STARD5: variants seen among roughly 807,000 people sequenced by gnomAD.
STARD5 encodes stAR-related lipid transfer protein 5.
Under a neutral mutation model 24.6 loss-of-function variants are expected in STARD5, and 26 were observed. The ratio of observed to expected loss-of-function variants is 1.06; its 90% CI spans 0.77 to 1.47. The LOEUF (loss-of-function observed/expected upper bound fraction) is 1.47. Among genes scored for constraint, STARD5 ranks in the 40% most tolerant of loss-of-function variants. STARD5 has a pLI of 0.00. For synonymous variants in STARD5, 101 were observed against 99.7 expected (o/e 1.01, Z -0.07); for missense variants, 254 against 270.8 (o/e 0.94, Z 0.44).
intron 5 of STARD5, among the ~76,000 whole-genome samples, chr15:81,317,930 G>T (rs748164767): frequency 6.6e-6 from 1 of 152,124 alleles, no homozygotes; most frequent in African/African-American, 2.4e-5. Context: ...CCTGAGTTCC[G>T]CCACATTCCT....
chr15:81,322,964 G>C lies in STARD5; in HGVS notation c.100-16C>G. ...AAACTCCATTCTGTCAAAAGGCACAGAACCACAGAATTTTAGAGCTAGAAG... is the reference window on the plus strand; with the variant it reads ...AAACTCCATTCTGTCAAAAGGCACACAACCACAGAATTTTAGAGCTAGAAG... On this transcript the variant is annotated splice_polypyrimidine_tract_variant and intron_variant, in intron 1 of 5. Transcript: ENST00000302824. 6.2e-7 allele frequency: 1 copy of C among 1,614,000 alleles called. No individual in the cohort carries two copies. Among genetic ancestry groups the C allele is most frequent in the Non-Finnish European group, 8.5e-7 (1 of 1,180,024 alleles).
At chr15:81,319,223 G>A in intron 4 of STARD5, 116 bp downstream of exon 4, 1 of 930,604 alleles carries the variant, frequency 1.1e-6, no homozygotes, top group Non-Finnish European at 1.7e-6. Context: ...AGGGGACTCA[G>A]AGTGTGAGTT....
In STARD5 at chr15:81,319,466, C is replaced by T. The variant is rs1399782687; in HGVS notation, c.283-10G>A. 3 of 1,611,494 alleles carry T rather than the reference C, an allele frequency of 1.9e-6. No homozygotes were observed. Among genetic ancestry groups the T allele is most frequent in the Non-Finnish European group, 2.5e-6 (3 of 1,177,726 alleles). ...TGCTTACACACAGGGTCTGCCAAAC[C>T]AAAGAAGCATGTAGCTGTGACTGCT... On this transcript the variant is annotated splice_polypyrimidine_tract_variant and intron_variant, in intron 3 of 5. Transcript: ENST00000302824.
In STARD5 at chr15:81,313,172, C is replaced by T. The variant is rs539214117; in HGVS notation, c.*84G>A. 69 of 1,420,258 alleles carry T rather than the reference C, an allele frequency of 4.9e-5. No individual in the cohort carries two copies. Among genetic ancestry groups the T allele is most frequent in the East Asian group, 1.9e-4 (7 of 37,416 alleles). 88.0% of individuals were successfully genotyped at this position (1,420,258 alleles called of 1,614,324 possible). A position where few individuals can be genotyped will look rare whatever the true frequency, so the allele number is the denominator to read the frequency against. On this transcript the variant is annotated 3_prime_UTR_variant, in exon 6 of 6. Transcript: ENST00000302824. ...TCCAAAGAGTGAACACAGGCCTCTG[C>T]GTGCTCCCAGGCTCCTTGGTGTCCC...
At chr15:81,316,317 T>C (rs1027630554) in intron 5 of STARD5, among the ~76,000 whole-genome samples, 1 of 152,232 alleles carries the variant, frequency 6.6e-6, no homozygotes, top group Non-Finnish European at 1.5e-5. Flanking sequence ...ATAGAACTAC[T>C]TACATTTGTG....
rs1428853791 is a variant in STARD5 at position 81,310,560 on chromosome 15, A to G, written c.*2696T>C. The stretch of plus-strand genomic sequence containing the variant: ...CTTAATAGAAACATTGAAGATGAAC[A>G]TAATCTACCAACGAAAGACGTGATT... On this transcript the variant is annotated 3_prime_UTR_variant, in exon 6 of 6. Coordinates refer to ENST00000302824, the MANE Select transcript of STARD5 (RefSeq NM_181900.3). 6.6e-6 allele frequency: 1 copy of G among 152,236 alleles called. No homozygotes were observed. The highest frequency in any genetic ancestry group is 1.5e-5 in the Non-Finnish European group (1 of 68,024). The allele number at this position is 152,236 out of a possible 1,614,324, so 9.4% of individuals were successfully genotyped here. A position where few individuals can be genotyped will look rare whatever the true frequency, so the allele number is the denominator to read the frequency against.
Position 81,319,380 on chromosome 15 carries a change from A to G in STARD5, c.359T>C (p.Val120Ala), listed in dbSNP as rs148930399. 3.4e-4 allele frequency: 541 copies of G among 1,614,198 alleles called. 4 individuals are homozygous for G. In the East Asian group the frequency reaches 0.01, roughly 31 times the overall value. The change falls in exon 4 of 6, where the codon GTG becomes GCG. Residue 120 changes from valine (V) to alanine (A), a missense_variant. Coordinates refer to ENST00000302824, the MANE Select transcript of STARD5 (RefSeq NM_181900.3). The part of the protein sequence containing the change: ...LISPRDFVDL[V>A]LVKRYEDGTI... ...CCCATCCTCATATCTCTTGACTAGC[A>G]CCAAGTCCACAAAATCTCTGGGAGA...
chr15:81,323,562 A>G (rs1893330460), intron 1 of STARD5: 11 of 1,250,312 alleles, frequency 8.8e-6, no homozygotes, highest in Non-Finnish European at 9.2e-6. Context: ...TAATGAACAC[A>G]GAAGAAAACC....
At chr15:81,314,746 C>G (rs181800803) in intron 5 of STARD5, among the ~76,000 whole-genome samples, 2 of 152,102 alleles carry the variant, frequency 1.3e-5, no homozygotes, top group Admixed American at 1.3e-4. Flanking sequence ...GTTAGCCAGG[C>G]ATAGTGGCAG....
rs1900972637 is a variant in STARD5, at chr15:81,313,415, A to G, written c.495-12T>C. ...TCTTGGTGGGTTCCCTGTGAAGGCAACAGCAGAGCTGTGTTATGATCTGCA... is the reference window on the plus strand; with the variant it reads ...TCTTGGTGGGTTCCCTGTGAAGGCAGCAGCAGAGCTGTGTTATGATCTGCA... On this transcript the variant is annotated splice_polypyrimidine_tract_variant and intron_variant, in intron 5 of 5. Coordinates refer to ENST00000302824, the MANE Select transcript of STARD5 (RefSeq NM_181900.3). 3 of 1,529,098 alleles carry G rather than the reference A, an allele frequency of 2.0e-6. No individual in the cohort carries two copies. Among genetic ancestry groups the G allele is most frequent in the South Asian group, 1.3e-5 (1 of 77,778 alleles). The allele number at this position is 1,529,098 out of a possible 1,614,324, so 94.7% of individuals were successfully genotyped here. A position where few individuals can be genotyped will look rare whatever the true frequency, so the allele number is the denominator to read the frequency against.
At position 81,311,980 on chromosome 15, in the gene STARD5, G is replaced by GT. The variant is rs1900881336; in HGVS notation, c.*1275dup. 3.3e-5 allele frequency: 5 copies of GT among 152,246 alleles called. No individual in the cohort carries two copies. Among genetic ancestry groups the GT allele is most frequent in the Admixed American group, 2.6e-4 (4 of 15,282 alleles). 9.4% of individuals were successfully genotyped at this position (152,246 alleles called of 1,614,324 possible). On this transcript the variant is annotated 3_prime_UTR_variant, in exon 6 of 6. Coordinates refer to ENST00000302824, the MANE Select transcript of STARD5 (RefSeq NM_181900.3). The stretch of plus-strand genomic sequence containing the variant: ...CACCCCAGGACTCAAAAATAGGGAA[G>GT]TAACAGTAACGCAGGGGAAACGTTT...
At position 81,318,472 on chromosome 15, in the gene STARD5, G is replaced by A. The variant is rs772173274; in HGVS notation, c.431C>T (p.Pro144Leu). 31 of 1,613,954 alleles carry A rather than the reference G, an allele frequency of 1.9e-5. No homozygotes were observed. Among genetic ancestry groups the A allele is most frequent in the South Asian group, 9.9e-5 (9 of 91,080 alleles). The change falls in exon 5 of 6, where the codon CCG becomes CTG. Residue 144 changes from proline (P) to leucine (L), a missense_variant. Transcript: ENST00000302824. Reference sequence around the variant, plus strand: ...AAATCCTCTCACAAAACCTGGCTTCGGGGGACATAACGGATGCTCCACATG... The same window carrying A: ...AAATCCTCTCACAAAACCTGGCTTCAGGGGACATAACGGATGCTCCACATG... ...ATHVEHPLCP[P>L]KPGFVRGFNH...
In STARD5 at chr15:81,318,438, A is replaced by G; in HGVS notation, c.465T>C (p.Pro155=). ...KPGFVRGFNH[P]CGCFCEPLPG... Reference sequence around the variant, plus strand: ...GAAGAGGTTCACAGAAGCAACCACAAGGATGGTTAAATCCTCTCACAAAAC... The same window carrying G: ...GAAGAGGTTCACAGAAGCAACCACAGGGATGGTTAAATCCTCTCACAAAAC... Residue 155 remains proline, a synonymous_variant, in exon 5 of 6, where the codon CCT becomes CCC. Transcript: ENST00000302824. 6.2e-7 allele frequency: 1 copy of G among 1,614,170 alleles called. No homozygotes were observed. Among genetic ancestry groups the G allele is most frequent in the South Asian group, 1.1e-5 (1 of 91,080 alleles).
intron 5 of STARD5, among the ~76,000 whole-genome samples, chr15:81,316,383 T>A (rs77588964): frequency 0.045 from 6,782 of 152,274 alleles, 193 homozygotes; most frequent in East Asian, 0.16. Context: ...GGGCAGACAC[T>A]CTAGCTGTTT....
chr15:81,315,737 C>CT (rs1158344092), intron 5 of STARD5, among the ~76,000 whole-genome samples: 2 of 152,048 alleles, frequency 1.3e-5, no homozygotes, highest in Non-Finnish European at 2.9e-5. Context: ...CTCACAGCCT[C>CT]TTACTCAAGA....
rs201192068 is a variant in STARD5, at chr15:81,320,747, G to GA, written c.283-1292dup. On this transcript the variant is annotated intron_variant, in intron 3 of 5. Coordinates refer to ENST00000302824, the MANE Select transcript of STARD5 (RefSeq NM_181900.3). ...TAATGGCAGAAGTGATGAAAATTTTGAAAAAAAAATCATACTGCTTCCACC... is the reference window on the plus strand; with the variant it reads ...TAATGGCAGAAGTGATGAAAATTTTGAAAAAAAAAATCATACTGCTTCCACC... Among the ~76,000 whole-genome samples, 332 of 150,222 alleles carry GA rather than the reference G, an allele frequency of 2.2e-3. 3 individuals carry two copies. The highest frequency in any genetic ancestry group is 7.5e-3 in the African/African-American group (308 of 40,982).
Position 81,319,392 on chromosome 15 carries a change from A to T in STARD5, c.347T>A (p.Phe116Tyr), listed in dbSNP as rs1461175369. 1.2e-6 allele frequency: 2 copies of T among 1,614,220 alleles called. No individual in the cohort carries two copies. The highest frequency in any genetic ancestry group is 3.3e-5 in the Admixed American group (2 of 60,034). ...AAMKLISPRDFVDLVLVKRYE... is the reference protein window; with the variant it reads ...AAMKLISPRDYVDLVLVKRYE... The stretch of plus-strand genomic sequence containing the variant: ...TCTCTTGACTAGCACCAAGTCCACA[A>T]AATCTCTGGGAGAAATGAGCTTCAT... The change falls in exon 4 of 6, where the codon TTT (phenylalanine) becomes TAT (tyrosine). Residue 116 changes from phenylalanine to tyrosine, a missense_variant. Phe to Tyr is a conservative substitution (Grantham distance 22). Transcript: ENST00000302824.
chr15:81,310,210 A>C lies in STARD5; in HGVS notation c.*3046T>G, dbSNP rs1900781561. ...GCAAGGACACAGATGAAACACAAAC[A>C]ATAGTAATTCTCAGGCCATCATCAG... On this transcript the variant is annotated 3_prime_UTR_variant, in exon 6 of 6. Transcript: ENST00000302824. The C allele has an allele frequency of 6.6e-6, 1 of 152,226 alleles. No individual in the cohort carries two copies. The highest frequency in any genetic ancestry group is 2.4e-5 in the African/African-American group (1 of 41,458). The allele number at this position is 152,226 out of a possible 1,614,324, so 9.4% of individuals were successfully genotyped here.
chr15:81,313,169 C>T lies in STARD5; in HGVS notation c.*87G>A. ...TGTTCCAAAGAGTGAACACAGGCCTCTGCGTGCTCCCAGGCTCCTTGGTGT... is the reference window on the plus strand; with the variant it reads ...TGTTCCAAAGAGTGAACACAGGCCTTTGCGTGCTCCCAGGCTCCTTGGTGT... On this transcript the variant is annotated 3_prime_UTR_variant, in exon 6 of 6. Coordinates refer to ENST00000302824, the MANE Select transcript of STARD5 (RefSeq NM_181900.3). 1 of 1,421,382 alleles carries T rather than the reference C, an allele frequency of 7.0e-7. No homozygotes were observed. Among genetic ancestry groups the T allele is most frequent in the Non-Finnish European group, 9.3e-7 (1 of 1,072,980 alleles). The allele number at this position is 1,421,382 out of a possible 1,614,324, so 88.0% of individuals were successfully genotyped here. A position where few individuals can be genotyped will look rare whatever the true frequency, so the allele number is the denominator to read the frequency against.
Sources: allele counts gnomAD v4.1 joint callset (sites outside exome capture counted in the v4.1 genomes callset), GRCh38; gene constraint gnomAD v4.1.1; transcripts MANE v1.5; gene names NCBI Gene and HGNC (gene_info 2026-07-23, HGNC 2026-07-21).